RAB11FIP2: variants seen among roughly 807,000 people sequenced by gnomAD.
RAB11FIP2 encodes the protein rab11 family-interacting protein 2.
Under a neutral mutation model 40.9 loss-of-function variants are expected in RAB11FIP2, and 16 were observed. The observed-to-expected ratio is 0.39, with a 90% CI of 0.26 to 0.59. The LOEUF (loss-of-function observed/expected upper bound fraction) is 0.59. RAB11FIP2 is among the 20% of genes least tolerant of loss of function. RAB11FIP2 has a pLI of 0.53. For synonymous variants in RAB11FIP2, 228 were observed against 213.7 expected (o/e 1.07, Z -0.58); for missense variants, 532 against 606.2 (o/e 0.88, Z 1.28).
rs187908722 is a variant in RAB11FIP2 at position 118,023,942 on chromosome 10, T to C, written c.1266-8832A>G. On this transcript the variant is annotated intron_variant, in intron 3 of 4. Coordinates refer to ENST00000355624, the MANE Select transcript of RAB11FIP2 (RefSeq NM_014904.3). ...TGTCTCTACTAAAAAATACAAAACT[T>C]AGCCGGATGTGGTGGCATGTGTCTA... Among the ~76,000 whole-genome samples the C allele has an allele frequency of 5.9e-5, 9 of 151,998 alleles. No individual in the cohort carries two copies. The East Asian group carries it at 1.4e-3, about 23-fold the overall frequency.
intron 3 of RAB11FIP2, among the ~76,000 whole-genome samples, chr10:118,020,105 A>T (rs1846266659): frequency 6.6e-6 from 1 of 152,190 alleles, no homozygotes; most frequent in East Asian, 1.9e-4. Context: ...CCTCATTTAC[A>T]GATGAGGAAA....
intron 4 of RAB11FIP2, among the ~76,000 whole-genome samples, chr10:118,011,210 T>C (rs1185126801): frequency 6.6e-6 from 1 of 152,120 alleles, no homozygotes; most frequent in Non-Finnish European, 1.5e-5. Context: ...CTAAAACAAC[T>C]TAGTTTATTT....
chr10:118,023,490 T>C (rs1356854752), intron 3 of RAB11FIP2, among the ~76,000 whole-genome samples: 1 of 152,140 alleles, frequency 6.6e-6, no homozygotes, highest in Non-Finnish European at 1.5e-5. Context: ...GGACTGGGCA[T>C]GTACACCAAA....
chr10:118,011,781 T>C (rs1846158122), intron 4 of RAB11FIP2, among the ~76,000 whole-genome samples: 1 of 152,094 alleles, frequency 6.6e-6, no homozygotes, highest in Non-Finnish European at 1.5e-5. Context: ...ATAAAACATT[T>C]ACTGAGAAAT....
chr10:118,044,017 G>A (rs918374345), intron 1 of RAB11FIP2, among the ~76,000 whole-genome samples: 13 of 152,152 alleles, frequency 8.5e-5, no homozygotes, highest in Non-Finnish European at 1.3e-4. Flanking sequence ...CACAAACCCT[G>A]TTGATAACAT....
In RAB11FIP2 at chr10:118,046,766, G is replaced by C. The variant is rs1846649544; in HGVS notation, c.-603C>G. On this transcript the variant is annotated 5_prime_UTR_variant, in exon 1 of 5. Coordinates refer to ENST00000355624, the MANE Select transcript of RAB11FIP2 (RefSeq NM_014904.3). ...GCGGGAGCGGGTAGCCAGGGGTGGA[G>C]TGGGGGAGGGCGGGGAACGCGGCCG... The C allele has an allele frequency of 6.6e-6, 1 of 152,338 alleles. No individual in the cohort carries two copies. Among genetic ancestry groups the C allele is most frequent in the Admixed American group, 6.6e-5 (1 of 15,260 alleles). The allele number at this position is 152,338 out of a possible 1,614,324, so 9.4% of individuals were successfully genotyped here.
chr10:118,039,950 C>A (rs1266430218), intron 2 of RAB11FIP2, 173 bp downstream of exon 2: 3 of 572,820 alleles, frequency 5.2e-6, no homozygotes, highest in Non-Finnish European at 9.0e-6. Context: ...CAAGCTCTGC[C>A]TTCAAGGAAC....
intron 3 of RAB11FIP2, among the ~76,000 whole-genome samples, chr10:118,025,233 A>G (rs1452069710): frequency 1.3e-5 from 2 of 152,262 alleles, no homozygotes; most frequent in Non-Finnish European, 2.9e-5. Context: ...TGATCTTATT[A>G]GAAATTGTAC....
At chr10:118,040,713 G>C (rs540628068) in intron 1 of RAB11FIP2, 148 bp from the exon 2 acceptor site, 1 of 601,110 alleles carries the variant, frequency 1.7e-6, no homozygotes, top group South Asian at 2.5e-5. Context: ...ACAGTATTTC[G>C]GGCTTTACTT....
chr10:118,022,733 G>C (rs928133995), intron 3 of RAB11FIP2, among the ~76,000 whole-genome samples: 1 of 152,164 alleles, frequency 6.6e-6, no homozygotes, highest in Admixed American at 6.5e-5. Context: ...CTTAAAGGAA[G>C]GAACCATATC....
intron 3 of RAB11FIP2, among the ~76,000 whole-genome samples, chr10:118,030,001 C>G (rs1267348444): frequency 1.3e-5 from 2 of 152,150 alleles, no homozygotes; most frequent in Non-Finnish European, 2.9e-5. Flanking sequence ...TAGATCCTGA[C>G]TGTTTTAAAG....
intron 1 of RAB11FIP2, among the ~76,000 whole-genome samples, chr10:118,043,022 G>A (rs771572120): frequency 1.3e-5 from 2 of 152,004 alleles, no homozygotes; most frequent in Non-Finnish European, 2.9e-5. Flanking sequence ...ACAGCATTTG[G>A]AGCTTACTGG....
chr10:118,009,106 G>C lies in RAB11FIP2; in HGVS notation c.1431C>G (p.Leu477=), dbSNP rs138292683. 1 of 1,613,434 alleles carries C rather than the reference G, an allele frequency of 6.2e-7. No homozygotes were observed. The highest frequency in any genetic ancestry group is 1.3e-5 in the African/African-American group (1 of 74,850). ...CAAGGAGGTTGTCGATGTAGTCCTC[G>C]AGTTCCCGGATGTGGGTGTCTTTCC... The part of the protein sequence containing the change: ...LRRKDTHIRE[L]EDYIDNLLVR... The change falls in exon 5 of 5, where the codon CTC becomes CTG. Residue 477 remains leucine (L), a synonymous_variant. Coordinates refer to ENST00000355624, the MANE Select transcript of RAB11FIP2 (RefSeq NM_014904.3).
chr10:118,033,997 A>G, intron 3 of RAB11FIP2: 1 of 701,878 alleles, frequency 1.4e-6, no homozygotes, highest in East Asian at 2.7e-5. Context: ...TGCCCATCTC[A>G]AAGATCCTCT....
intron 3 of RAB11FIP2, among the ~76,000 whole-genome samples, chr10:118,031,256 A>G (rs1320300184): frequency 6.6e-6 from 1 of 152,178 alleles, no homozygotes; most frequent in Admixed American, 6.6e-5. Flanking sequence ...AGGAAAAAAA[A>G]GTCCATTGGG....
chr10:118,028,126 CACA>C (rs954775300), intron 3 of RAB11FIP2, among the ~76,000 whole-genome samples: 5 of 152,130 alleles, frequency 3.3e-5, no homozygotes, highest in Non-Finnish European at 7.4e-5. Context: ...GAGCTTTACA[CACA>C]ACATTTGTGA....
chr10:118,028,062 T>G (rs1846366631), intron 3 of RAB11FIP2, among the ~76,000 whole-genome samples: 1 of 152,160 alleles, frequency 6.6e-6, no homozygotes, highest in African/African-American at 2.4e-5. Context: ...CATATCCCTC[T>G]CCATAGCTGG....
rs1473576481 is a variant in RAB11FIP2 at position 118,046,151 on chromosome 10, C to G, written c.13G>C (p.Glu5Gln). 1.2e-6 allele frequency: 2 copies of G among 1,613,508 alleles called. No individual in the cohort carries two copies. Among genetic ancestry groups the G allele is most frequent in the Non-Finnish European group, 1.7e-6 (2 of 1,179,826 alleles). Residue 5 changes from glutamate (E) to glutamine (Q), a missense_variant, in exon 1 of 5, where the codon GAG becomes CAG. Transcript: ENST00000355624. MMLS[E>Q]QAQKWFPTHV... The stretch of plus-strand genomic sequence containing the variant: ...GTTGGAAACCACTTTTGGGCTTGCT[C>G]GGACAGCATCATCCTGTCCTGTTTC...
chr10:118,045,143 AAC>A (rs1846610911), intron 1 of RAB11FIP2: 1 of 152,276 alleles, frequency 6.6e-6, no homozygotes, highest in Non-Finnish European at 1.5e-5. Flanking sequence ...ATATGGTCTA[AAC>A]ACAATAGCTT....
Sources: allele counts gnomAD v4.1 joint callset (sites outside exome capture counted in the v4.1 genomes callset), GRCh38; gene constraint gnomAD v4.1.1; transcripts MANE v1.5; gene names NCBI Gene and HGNC (gene_info 2026-07-23, HGNC 2026-07-21).